THSD4: variants seen among roughly 807,000 people sequenced by gnomAD.
THSD4 encodes thrombospondin type-1 domain-containing protein 4.
THSD4 carries 69 observed loss-of-function variants against 119.0 expected under a neutral mutation model. The observed-to-expected ratio is 0.58, with a 90% confidence interval of 0.48 to 0.71. The LOEUF is 0.71. Ranked by LOEUF, THSD4 falls within the 30% of genes least tolerant of loss-of-function variation. The probability of loss-of-function intolerance (pLI) is 0.00; values close to 1 mark genes in which losing one functional copy is unlikely to be tolerated. For synonymous variants in THSD4, 524 were observed against 540.4 expected (o/e 0.97, Z 0.42); for missense variants, 1,393 against 1,391.1 (o/e 1.00, Z -0.02).
At chr15:71,311,726 A>T (rs990533210) in intron 6 of THSD4, among the ~76,000 whole-genome samples, 3 of 152,158 alleles carry the variant, frequency 2.0e-5, no homozygotes, top group African/African-American at 7.2e-5. Flanking sequence ...AAATGGCACC[A>T]CCATCTACCC....
intron 8 of THSD4, among the ~76,000 whole-genome samples, chr15:71,677,543 T>G (rs779813872): frequency 1.3e-5 from 2 of 152,228 alleles, no homozygotes; most frequent in Non-Finnish European, 2.9e-5. Context: ...TCCCTTTGAT[T>G]TAGGACAGCT....
At chr15:71,669,809 T>G (rs1015385231) in intron 8 of THSD4, among the ~76,000 whole-genome samples, 1 of 152,194 alleles carries the variant, frequency 6.6e-6, no homozygotes, top group Non-Finnish European at 1.5e-5. Flanking sequence ...TTCCTCTGAG[T>G]GTGCGTGGGC....
chr15:71,393,249 A>G (rs2046400138), intron 6 of THSD4, among the ~76,000 whole-genome samples: 1 of 142,722 alleles, frequency 7.0e-6, no homozygotes, highest in African/African-American at 2.6e-5. Context: ...GGTTGTGCAT[A>G]TTTGGACAGA....
At position 71,731,142 on chromosome 15, in the gene THSD4, C is replaced by A; in HGVS notation, c.1555C>A (p.Pro519Thr). The A allele has an allele frequency of 6.2e-7, 1 of 1,614,130 alleles. No homozygotes were observed. Among genetic ancestry groups the A allele is most frequent in the Non-Finnish European group, 8.5e-7 (1 of 1,180,028 alleles). Residue 519 changes from proline to threonine, a missense_variant, in exon 10 of 18, where the codon CCA (proline) becomes ACA (threonine). Pro to Thr is a conservative substitution (Grantham distance 38). Coordinates refer to ENST00000261862, the MANE Select transcript of THSD4 (RefSeq NM_024817.3). ...DVYMIHQQPN[P>T]GVHYEYVIMG... ...GCAGATGATACACCAGCAGCCAAAC[C>A]CAGGCGTGCACTACGAGTACGTGAT...
chr15:71,314,585 G>A (rs2045160727), intron 6 of THSD4, among the ~76,000 whole-genome samples: 1 of 152,208 alleles, frequency 6.6e-6, no homozygotes, highest in Non-Finnish European at 1.5e-5. Context: ...GGGATTACAG[G>A]CATGAGCCAC....
chr15:71,202,511 C>T (rs996324051), intron 3 of THSD4, among the ~76,000 whole-genome samples: 2 of 152,190 alleles, frequency 1.3e-5, no homozygotes, highest in African/African-American at 4.8e-5. Flanking sequence ...AAGTGGCCTA[C>T]TGAATGCTGG....
chr15:71,300,002 T>TATATA (rs2044926604), intron 6 of THSD4, among the ~76,000 whole-genome samples: 3 of 141,252 alleles, frequency 2.1e-5, no homozygotes, highest in African/African-American at 2.7e-5. Flanking sequence ...TATATATATA[T>TATATA]TAGCCATGGG....
chr15:71,244,922 C>T (rs1329907925), intron 5 of THSD4, among the ~76,000 whole-genome samples: 4 of 152,178 alleles, frequency 2.6e-5, no homozygotes, highest in South Asian at 2.1e-4. Context: ...ATTTGGCATC[C>T]GTGTGGAGCT....
chr15:71,469,366 T>G (rs2047541603), intron 7 of THSD4, among the ~76,000 whole-genome samples: 1 of 152,182 alleles, frequency 6.6e-6, no homozygotes, highest in Admixed American at 6.5e-5. Context: ...GACTTAACAT[T>G]ACATTTTCAG....
chr15:71,711,326 A>G (rs1484565701), intron 8 of THSD4, among the ~76,000 whole-genome samples: 4 of 152,044 alleles, frequency 2.6e-5, no homozygotes, highest in Admixed American at 2.0e-4. Flanking sequence ...AGCTTTTCCC[A>G]TTGTTGCTTT....
intron 8 of THSD4, among the ~76,000 whole-genome samples, chr15:71,710,323 C>A (rs1008177973): frequency 7.2e-5 from 11 of 152,166 alleles, no homozygotes; most frequent in African/African-American, 9.7e-5. Context: ...GTTTTAAAAA[C>A]CACCAATTTA....
intron 6 of THSD4, among the ~76,000 whole-genome samples, chr15:71,367,838 A>C (rs1442296961): frequency 6.6e-6 from 1 of 152,242 alleles, no homozygotes; most frequent in Non-Finnish European, 1.5e-5. Flanking sequence ...TTCTAGTTTT[A>C]GATCCTTGAG....
At chr15:71,362,743 C>T (rs935888771) in intron 6 of THSD4, among the ~76,000 whole-genome samples, 2 of 152,152 alleles carry the variant, frequency 1.3e-5, no homozygotes, top group South Asian at 4.1e-4. Flanking sequence ...CCGTTTTCGT[C>T]CGCACGCAGC....
At chr15:71,409,213 C>A (rs1434461052) in intron 6 of THSD4, among the ~76,000 whole-genome samples, 2 of 148,508 alleles carry the variant, frequency 1.3e-5, no homozygotes, top group East Asian at 4.0e-4. Flanking sequence ...GAATAAAATT[C>A]TGGCCCCAAA....
chr15:71,680,916 A>ATTT (rs771191395), intron 8 of THSD4, among the ~76,000 whole-genome samples: 3 of 135,504 alleles, frequency 2.2e-5, no homozygotes, highest in Non-Finnish European at 3.2e-5. Flanking sequence ...ATTACTAGTA[A>ATTT]TTTTTTTTTT....
At chr15:71,741,283 G>A (rs1389079605) in intron 11 of THSD4, among the ~76,000 whole-genome samples, 2 of 152,100 alleles carry the variant, frequency 1.3e-5, no homozygotes, top group Non-Finnish European at 2.9e-5. Context: ...TTGAGGTCAG[G>A]AGTTCAAGAG....
intron 8 of THSD4, among the ~76,000 whole-genome samples, chr15:71,665,814 T>C (rs1595844511): frequency 6.6e-6 from 1 of 152,138 alleles, no homozygotes; most frequent in Non-Finnish European, 1.5e-5. Flanking sequence ...GGTAGGTGTG[T>C]GGCCTTATTT....
intron 1 of THSD4, among the ~76,000 whole-genome samples, chr15:71,105,315 G>A (rs1400680464): frequency 6.6e-6 from 1 of 152,186 alleles, no homozygotes; most frequent in Non-Finnish European, 1.5e-5. Context: ...TTATTATAAA[G>A]GATACAGATG....
intron 7 of THSD4, among the ~76,000 whole-genome samples, chr15:71,526,338 C>T (rs922913962): frequency 2.0e-5 from 3 of 152,174 alleles, no homozygotes; most frequent in African/African-American, 4.8e-5. Context: ...AATATTTCCT[C>T]TCTTAAATCA....
Sources: allele counts gnomAD v4.1 joint callset (sites outside exome capture counted in the v4.1 genomes callset), GRCh38; gene constraint gnomAD v4.1.1; transcripts MANE v1.5; gene names NCBI Gene and HGNC (gene_info 2026-07-23, HGNC 2026-07-21).